Variants in UST observed in about 807,000 individuals in gnomAD.
UST encodes the protein uronyl 2-sulfotransferase, also known as chondroitin sulfate 2-O-sulfotransferase.
Under a neutral mutation model 45.6 loss-of-function variants are expected in UST, and 21 were observed. That is an observed-to-expected ratio of 0.46 (90% CI 0.33 to 0.66). The LOEUF (loss-of-function observed/expected upper bound fraction) is 0.66, where lower values mean the gene tolerates loss of function less well. UST is among the 30% of genes least tolerant of loss of function. The pLI, the probability that UST is intolerant of heterozygous loss-of-function variation, is 0.02. For synonymous variants in UST, 215 were observed against 200.6 expected, an observed-to-expected ratio of 1.07 and a Z score of -0.61; for missense variants, 463 against 512.4, an observed-to-expected ratio of 0.90 and a Z score of 0.93.
intron 1 of UST, among the ~76,000 whole-genome samples, chr6:148,885,576 A>G (rs1363509695): frequency 6.6e-6 from 1 of 152,210 alleles, no homozygotes; most frequent in East Asian, 1.9e-4. Context: ...TAAGTGTCTT[A>G]TACACTAAAA....
At chr6:148,924,684 G>A (rs1779779258) in intron 2 of UST, among the ~76,000 whole-genome samples, 1 of 152,098 alleles carries the variant, frequency 6.6e-6, no homozygotes, top group African/African-American at 2.4e-5. Context: ...CATGTGGGCT[G>A]GACTTCCCAG....
intron 1 of UST, among the ~76,000 whole-genome samples, chr6:148,752,825 A>G (rs1190650091): frequency 1.3e-5 from 2 of 152,226 alleles, no homozygotes; most frequent in Non-Finnish European, 2.9e-5. Context: ...ATGATGGACA[A>G]TGAAAACGCA....
chr6:148,873,352 C>T (rs747346127), intron 1 of UST, among the ~76,000 whole-genome samples: 3 of 152,102 alleles, frequency 2.0e-5, no homozygotes, highest in Non-Finnish European at 2.9e-5. Context: ...TCCCTCTCCA[C>T]CCCCTGTTAT....
chr6:149,072,917 C>T (rs1776839817), intron 7 of UST, among the ~76,000 whole-genome samples: 2 of 152,030 alleles, frequency 1.3e-5, no homozygotes, highest in Admixed American at 6.6e-5. Flanking sequence ...TGTATAGACT[C>T]ATGAAAGGAT....
chr6:148,838,915 C>A (rs1777841297), intron 1 of UST, among the ~76,000 whole-genome samples: 1 of 152,140 alleles, frequency 6.6e-6, no homozygotes, highest in African/African-American at 2.4e-5. Context: ...CCCAGCAGGT[C>A]CCCTGAATTG....
At chr6:148,747,790 G>T in intron 1 of UST, 113 bp downstream of exon 1, 4 of 1,341,412 alleles carry the variant, frequency 3.0e-6, no homozygotes, top group South Asian at 1.6e-5. Flanking sequence ...CGCCGCCCCG[G>T]GTCTCTCCAG....
At chr6:149,065,938 T>C (rs759003147) in intron 7 of UST, among the ~76,000 whole-genome samples, 2 of 152,144 alleles carry the variant, frequency 1.3e-5, no homozygotes, top group Non-Finnish European at 2.9e-5. Flanking sequence ...CACAGTGCTA[T>C]GAGGACTAAA....
rs543172601 is a variant in UST, at chr6:148,771,580, G to T, written c.247+23903G>T. ...AGGTCACAGAAAATTGAACTGTGCT[G>T]AGATGGAGTGGGTAGGTGGATAGTC... On this transcript the variant is annotated intron_variant, in intron 1 of 7. Transcript: ENST00000367463. Among the ~76,000 whole-genome samples, 6 of 152,328 alleles carry T rather than the reference G, an allele frequency of 3.9e-5. No individual in the cohort carries two copies. The East Asian group carries it at 9.7e-4, about 25-fold the overall frequency.
chr6:148,780,344 G>A (rs1206614824), intron 1 of UST, among the ~76,000 whole-genome samples: 5 of 151,954 alleles, frequency 3.3e-5, no homozygotes, highest in African/African-American at 1.2e-4. Context: ...AGGTAAACGC[G>A]TGTCATGGGA....
At chr6:148,753,380 TATA>T (rs534621518) in intron 1 of UST, among the ~76,000 whole-genome samples, 143 of 152,326 alleles carry the variant, frequency 9.4e-4, no homozygotes, top group African/African-American at 3.3e-3. Context: ...AATAGAATAA[TATA>T]ATATGTGGTC....
intron 1 of UST, among the ~76,000 whole-genome samples, chr6:148,822,457 G>C (rs1562268217): frequency 1.3e-5 from 2 of 152,136 alleles, no homozygotes; most frequent in Non-Finnish European, 2.9e-5. Context: ...ACCCCAAAAA[G>C]ACGTGATAAT....
chr6:149,057,921 C>A (rs773994064), intron 7 of UST, among the ~76,000 whole-genome samples: 1 of 152,140 alleles, frequency 6.6e-6, no homozygotes, highest in African/African-American at 2.4e-5. Flanking sequence ...AAAAACTTTA[C>A]TATGTATTTG....
intron 1 of UST, among the ~76,000 whole-genome samples, chr6:148,780,210 A>T (rs1482163888): frequency 6.6e-6 from 1 of 152,094 alleles, no homozygotes; most frequent in South Asian, 2.1e-4. Context: ...AATGCATTTT[A>T]AAATAGTAAA....
intron 5 of UST, among the ~76,000 whole-genome samples, chr6:149,018,212 ACTAG>A (rs760675514): frequency 6.6e-6 from 1 of 152,192 alleles, no homozygotes; most frequent in East Asian, 1.9e-4. Context: ...AAAAATTGTT[ACTAG>A]CTAAACACCC....
At chr6:148,754,453 C>T (rs1776057809) in intron 1 of UST, among the ~76,000 whole-genome samples, 1 of 152,270 alleles carries the variant, frequency 6.6e-6, no homozygotes, top group African/African-American at 2.4e-5. Context: ...TTGTCCCTCA[C>T]CCCCTTCCCA....
At chr6:149,072,053 C>T (rs1048899028) in intron 7 of UST, among the ~76,000 whole-genome samples, 3 of 152,132 alleles carry the variant, frequency 2.0e-5, no homozygotes, top group African/African-American at 7.2e-5. Context: ...AAATAACAAT[C>T]GTAGGAGAGA....
At chr6:148,875,232 A>G (rs550693728) in intron 1 of UST, among the ~76,000 whole-genome samples, 6 of 152,340 alleles carry the variant, frequency 3.9e-5, no homozygotes, top group South Asian at 2.1e-4. Context: ...TCAGAGACCA[A>G]TTCAGACTAA....
chr6:148,953,600 C>G lies in UST; in HGVS notation c.448-272C>G, dbSNP rs372124777. ...GTTCGAGACCACGGTGAAACCCTGTCTCTACTAAAAAATACAAAAAATTAG... is the reference window on the plus strand; with the variant it reads ...GTTCGAGACCACGGTGAAACCCTGTGTCTACTAAAAAATACAAAAAATTAG... On this transcript the variant is annotated intron_variant, in intron 3 of 7. Transcript: ENST00000367463. 1.1e-4 allele frequency among the ~76,000 whole-genome samples: 16 copies of G among 152,066 alleles called. 1 individual carries two copies. The East Asian group carries it at 2.5e-3, about 24-fold the overall frequency.
intron 3 of UST, among the ~76,000 whole-genome samples, chr6:148,943,736 A>T (rs946116260): frequency 9.2e-5 from 14 of 152,190 alleles, no homozygotes; most frequent in African/African-American, 3.4e-4. Flanking sequence ...TAGTTGAAAC[A>T]TTTCTGATTC....
Sources: gnomAD v4.1 joint callset for allele counts (sites outside exome capture counted in the v4.1 genomes callset) on GRCh38, gnomAD v4.1.1 for gene constraint, MANE v1.5 for transcripts, NCBI Gene and HGNC (gene_info 2026-07-23, HGNC 2026-07-21) for gene names.